The following MEI4 variants were observed in gnomAD, a reference collection of about 807,000 sequenced individuals.
The protein encoded by MEI4 is meiosis-specific protein MEI4.
Under a neutral mutation model 31.4 loss-of-function variants are expected in MEI4, and 27 were observed. The observed-to-expected ratio is 0.86, with a 90% CI of 0.63 to 1.19. The LOEUF is 1.19. Ranked by LOEUF, MEI4 falls within the 50% of genes most tolerant of loss-of-function variation. The pLI, the probability that MEI4 is intolerant of heterozygous loss-of-function variation, is 0.00. For missense variants in MEI4, 329 were observed against 398.9 expected, an observed-to-expected ratio of 0.82 and a Z score of 1.49; for synonymous variants, 122 against 145.4, an observed-to-expected ratio of 0.84 and a Z score of 1.16.
rs1329973001 is a variant in MEI4 at position 77,820,874 on chromosome 6, C to T, written c.769-8057C>T. Among the ~76,000 whole-genome samples, 3 of 151,708 alleles carry T rather than the reference C, an allele frequency of 2.0e-5. No individual in the cohort carries two copies. Among genetic ancestry groups the T allele is most frequent in the Non-Finnish European group, 4.4e-5 (3 of 67,920 alleles). On this transcript the variant is annotated intron_variant, in intron 3 of 4. Transcript: ENST00000684080. This position sits in a 1 kb window ranked among gnomAD's most constrained non-coding sequence, Gnocchi z 4.5. ...AAAAACTTTCTTCCATTATTTTTTC[C>T]CATGTCGTTTCTTCTCCAGTAGTCT...
chr6:77,884,502 C>T (rs532831053), intron 4 of MEI4, among the ~76,000 whole-genome samples: 2 of 152,134 alleles, frequency 1.3e-5, no homozygotes, highest in Non-Finnish European at 2.9e-5. Context: ...ACATGTAAAT[C>T]TTCAATCTGT....
intron 2 of MEI4, among the ~76,000 whole-genome samples, chr6:77,716,631 T>C (rs1156756338): frequency 3.3e-5 from 5 of 152,110 alleles, no homozygotes; most frequent in Non-Finnish European, 7.4e-5. Flanking sequence ...TCAGTCGGGA[T>C]GGTGAACAAT....
intron 1 of MEI4, among the ~76,000 whole-genome samples, chr6:77,662,711 C>T (rs575446465): frequency 6.6e-6 from 1 of 152,170 alleles, no homozygotes; most frequent in African/African-American, 2.4e-5. Context: ...AGGGTGTGGT[C>T]CTGGCTCTTG....
chr6:77,796,856 C>A (rs1337972222), intron 3 of MEI4, among the ~76,000 whole-genome samples: 4 of 152,154 alleles, frequency 2.6e-5, no homozygotes, highest in Non-Finnish European at 4.4e-5. Flanking sequence ...TCCTGTGGAA[C>A]CTCAAAAGAC....
At chr6:77,919,114 C>G (rs1185180517) in intron 4 of MEI4, among the ~76,000 whole-genome samples, 3 of 151,542 alleles carry the variant, frequency 2.0e-5, no homozygotes, top group East Asian at 1.9e-4. Flanking sequence ...ACAAGGATAC[C>G]CAGGAATTGA....
chr6:77,812,393 A>T (rs762428578), intron 3 of MEI4, among the ~76,000 whole-genome samples: 15 of 152,088 alleles, frequency 9.9e-5, no homozygotes, highest in Non-Finnish European at 1.3e-4. Context: ...TTGCTTAGAG[A>T]TGATGATGAT....
At chr6:77,754,663 T>C (rs1210754792) in intron 2 of MEI4, among the ~76,000 whole-genome samples, 1 of 152,190 alleles carries the variant, frequency 6.6e-6, no homozygotes, top group Non-Finnish European at 1.5e-5. Flanking sequence ...TATAAAGAAC[T>C]TCCCCAAACT....
intron 4 of MEI4, among the ~76,000 whole-genome samples, chr6:77,867,386 C>T (rs191154768): frequency 2.0e-5 from 3 of 151,922 alleles, no homozygotes; most frequent in Non-Finnish European, 2.9e-5. Flanking sequence ...AAGAAATAAC[C>T]CCATCAACAA....
chr6:77,846,903 G>T (rs1312010545), intron 4 of MEI4, among the ~76,000 whole-genome samples: 1 of 152,130 alleles, frequency 6.6e-6, no homozygotes, highest in Admixed American at 6.6e-5. Flanking sequence ...GGTGAGTCTA[G>T]GAGAATTTTT....
chr6:77,852,196 T>C (rs1377699143), intron 4 of MEI4, among the ~76,000 whole-genome samples: 1 of 152,164 alleles, frequency 6.6e-6, no homozygotes, highest in Non-Finnish European at 1.5e-5. Context: ...TAGAGGGTCA[T>C]GGGACGTGGC....
At chr6:77,692,805 G>A (rs996113337) in intron 2 of MEI4, among the ~76,000 whole-genome samples, 1 of 152,052 alleles carries the variant, frequency 6.6e-6, no homozygotes, top group Non-Finnish European at 1.5e-5. Flanking sequence ...TTCTCTGAGT[G>A]TAGGCTAATC....
At chr6:77,746,896 G>A (rs749105722) in intron 2 of MEI4, among the ~76,000 whole-genome samples, 2 of 152,054 alleles carry the variant, frequency 1.3e-5, no homozygotes, top group Admixed American at 6.6e-5. Context: ...TTTTATGTGC[G>A]ATGCATGAAG....
Position 77,774,362 on chromosome 6 carries a change from C to G in MEI4, c.768+12697C>G, listed in dbSNP as rs1005662546. 2.0e-5 allele frequency among the ~76,000 whole-genome samples: 3 copies of G among 152,026 alleles called. No individual in the cohort carries two copies. The South Asian group carries it at 6.2e-4, about 31-fold the overall frequency. ...AAGAATGAGATCCTGTCATTTGCAA[C>G]GACATTGATGGAACTGGAGGCCATT... On this transcript the variant is annotated intron_variant, in intron 3 of 4. Transcript: ENST00000684080.
intron 2 of MEI4, among the ~76,000 whole-genome samples, chr6:77,754,257 T>G (rs1767857510): frequency 6.6e-6 from 1 of 151,912 alleles, no homozygotes; most frequent in Non-Finnish European, 1.5e-5. Context: ...ATAATAGAAA[T>G]AAATAAATAA....
chr6:77,852,645 G>C (rs1770655054), intron 4 of MEI4, among the ~76,000 whole-genome samples: 2 of 149,538 alleles, frequency 1.3e-5, no homozygotes, highest in South Asian at 4.2e-4. Context: ...GGCATTGGCA[G>C]CTGTTTCCTG....
At chr6:77,701,977 C>T (rs543565617) in intron 2 of MEI4, among the ~76,000 whole-genome samples, 311 of 152,252 alleles carry the variant, frequency 2.0e-3, no homozygotes, top group Non-Finnish European at 3.7e-3. Flanking sequence ...TCCCCTCACT[C>T]TTCTTTTCTG....
At chr6:77,883,512 T>A (rs962968591) in intron 4 of MEI4, among the ~76,000 whole-genome samples, 1 of 151,420 alleles carries the variant, frequency 6.6e-6, no homozygotes, top group Non-Finnish European at 1.5e-5. Context: ...TGAGAGCAAC[T>A]TTTTTAGCTC....
chr6:77,792,202 A>G (rs9341696), intron 3 of MEI4, among the ~76,000 whole-genome samples: 2,888 of 152,280 alleles, frequency 0.019, 65 homozygotes, highest in East Asian at 0.089. Flanking sequence ...GAAAGTATTG[A>G]TGGACAATTA....
chr6:77,745,649 C>G (rs1426785792), intron 2 of MEI4, among the ~76,000 whole-genome samples: 1 of 152,152 alleles, frequency 6.6e-6, no homozygotes, highest in Non-Finnish European at 1.5e-5. Context: ...CTCTCCACCC[C>G]AAATCAACAG....
Sources: allele counts gnomAD v4.1 joint callset (sites outside exome capture counted in the v4.1 genomes callset), GRCh38; gene constraint gnomAD v4.1.1; non-coding constraint Gnocchi (gnomAD v3.1); transcripts MANE v1.5; gene names NCBI Gene and HGNC (gene_info 2026-07-23, HGNC 2026-07-21).